Variants in TBCD observed in about 807,000 individuals in gnomAD.
TBCD encodes tubulin folding cofactor D.
A neutral mutation model predicts 169.3 loss-of-function variants in TBCD; 105 were observed. That is an observed-to-expected ratio of 0.62 (90% CI 0.53 to 0.73). TBCD has a LOEUF of 0.73. TBCD is among the 30% of genes least tolerant of loss of function. The probability of loss-of-function intolerance (pLI) is 0.00; values close to 1 mark genes in which losing one functional copy is unlikely to be tolerated. For missense variants in TBCD, 1,444 were observed against 1,600.1 expected (o/e 0.90, Z 1.66); for synonymous variants, 700 against 643.9 (o/e 1.09, Z -1.32).
chr17:82,790,741 C>G (rs1311422905), intron 7 of TBCD, among the ~76,000 whole-genome samples: 1 of 152,054 alleles, frequency 6.6e-6, no homozygotes, highest in Non-Finnish European at 1.5e-5. Flanking sequence ...CTCTATGTGT[C>G]TGCTTTTTTC....
chr17:82,763,044 T>C (rs530037063), intron 2 of TBCD, among the ~76,000 whole-genome samples: 1 of 152,194 alleles, frequency 6.6e-6, no homozygotes, highest in Non-Finnish European at 1.5e-5. Context: ...TGTTGTTGGG[T>C]AGATTGTTCT....
intron 7 of TBCD, 144 bp from the exon 8 acceptor site, chr17:82,797,613 A>G: frequency 1.5e-6 from 1 of 653,774 alleles, no homozygotes; most frequent in Non-Finnish European, 2.6e-6. Flanking sequence ...TATCATGTAC[A>G]GAAACTGTTT....
intron 13 of TBCD, among the ~76,000 whole-genome samples, chr17:82,836,440 C>T (rs1381032494): frequency 6.6e-6 from 1 of 152,242 alleles, no homozygotes; most frequent in Non-Finnish European, 1.5e-5. Flanking sequence ...GTGAGAGCTG[C>T]GTCCTCGCGA....
At position 82,937,899 on chromosome 17, in the gene TBCD, A is replaced by G. The variant is rs935480129; in HGVS notation, c.3282-150A>G. Reference sequence around the variant, plus strand: ...GTAGGCACAGTGCAGATGTACGCACACACACACCTCCGGCTTGGGGCCCCA... The same window carrying G: ...GTAGGCACAGTGCAGATGTACGCACGCACACACCTCCGGCTTGGGGCCCCA... On this transcript the variant is annotated intron_variant, in intron 35 of 38. Transcript: ENST00000355528. 18 of 1,530,066 alleles carry G rather than the reference A, an allele frequency of 1.2e-5. No homozygotes were observed. In the African/African-American group the frequency reaches 1.5e-4, roughly 13 times the overall value. The allele number at this position is 1,530,066 out of a possible 1,614,324, so 94.8% of individuals were successfully genotyped here.
intron 13 of TBCD, among the ~76,000 whole-genome samples, chr17:82,867,531 C>T (rs916685100): frequency 2.6e-5 from 4 of 152,236 alleles, no homozygotes; most frequent in Admixed American, 6.5e-5. Flanking sequence ...TGGCCACGAA[C>T]AGGCTGCCCT....
At chr17:82,875,551 G>A (rs1375060322) in intron 14 of TBCD, among the ~76,000 whole-genome samples, 1 of 152,212 alleles carries the variant, frequency 6.6e-6, no homozygotes, top group African/African-American at 2.4e-5. Flanking sequence ...CCCTGCCAGG[G>A]GGCAGCCTCT....
In TBCD at chr17:82,864,835, GCGGGGGCC is replaced by G. The variant is rs2057041567; in HGVS notation, c.1319-5388_1319-5381del. Among the ~76,000 whole-genome samples, 1 of 114,522 alleles carries G rather than the reference GCGGGGGCC, an allele frequency of 8.7e-6. No homozygotes were observed. Among genetic ancestry groups the G allele is most frequent in the Admixed American group, 9.2e-5 (1 of 10,868 alleles). 75.1% of individuals were successfully genotyped at this position (114,522 alleles called of 152,430 possible). On this transcript the variant is annotated intron_variant, in intron 13 of 38. Coordinates refer to ENST00000355528, the MANE Select transcript of TBCD (RefSeq NM_005993.5). This position sits in a 1 kb window ranked among gnomAD's most constrained non-coding sequence, Gnocchi z 6.3. ...CACTCCCCGGGGCACCGTGGGGACA[GCGGGGGCC>G]TGCTCACTCCCCGGGGCACCGTGGG...
rs576361114 is a variant in TBCD at position 82,890,837 on chromosome 17, C to T, written c.1563+1140C>T. ...GCCTGGGTGTGCAGACAGCAAGAGCCGCCCAGGCCAAGGAGAATGTGAACG... is the reference window on the plus strand; with the variant it reads ...GCCTGGGTGTGCAGACAGCAAGAGCTGCCCAGGCCAAGGAGAATGTGAACG... On this transcript the variant is annotated intron_variant, in intron 16 of 38. Coordinates refer to ENST00000355528, the MANE Select transcript of TBCD (RefSeq NM_005993.5). The surrounding 1 kb of genome is among the most constrained non-coding windows in gnomAD (Gnocchi z 5.3). Among the ~76,000 whole-genome samples, 10 of 152,286 alleles carry T rather than the reference C, an allele frequency of 6.6e-5. No individual in the cohort carries two copies. In the East Asian group the frequency reaches 9.7e-4, roughly 15 times the overall value.
Position 82,838,800 on chromosome 17 carries a change from G to C in TBCD, c.1318+23866G>C, listed in dbSNP as rs541224103. 1.3e-5 allele frequency: 13 copies of C among 985,388 alleles called. No homozygotes were observed. In the East Asian group the frequency reaches 1.5e-3, roughly 112 times the overall value. 61.0% of individuals were successfully genotyped at this position (985,388 alleles called of 1,614,324 possible). On this transcript the variant is annotated intron_variant, in intron 13 of 38. Coordinates refer to ENST00000355528, the MANE Select transcript of TBCD (RefSeq NM_005993.5). The stretch of plus-strand genomic sequence containing the variant: ...AAACAACCAGGGGCTCTTAACTCTA[G>C]TTTCGGCAGGAGATCCCGAGTTACA...
chr17:82,870,940 T>C (rs1204391957), intron 14 of TBCD, among the ~76,000 whole-genome samples: 1 of 152,264 alleles, frequency 6.6e-6, no homozygotes, highest in East Asian at 1.9e-4. Flanking sequence ...CTTGAGAGAA[T>C]GTTCAGTAGC....
chr17:82,862,176 C>T (rs2056827655), intron 13 of TBCD, among the ~76,000 whole-genome samples: 1 of 152,212 alleles, frequency 6.6e-6, no homozygotes, highest in Admixed American at 6.5e-5. Flanking sequence ...CCCGCCTCAG[C>T]CTCCCAAAGT....
At chr17:82,814,804 C>T (rs202134685) in intron 12 of TBCD, 36 bp from the exon 13 acceptor site, 248 of 1,606,714 alleles carry the variant, frequency 1.5e-4, no homozygotes, top group Middle Eastern at 1.7e-4. Flanking sequence ...AAAGCTGACA[C>T]GTGGGCTGTG....
rs115408449 is a variant in TBCD at position 82,859,492 on chromosome 17, C to G, written c.1319-10732C>G. 2,259 of 954,114 alleles carry G rather than the reference C, an allele frequency of 2.4e-3. 47 individuals are homozygous for G. The African/African-American group carries it at 0.036, about 15-fold the overall frequency. 59.1% of individuals were successfully genotyped at this position (954,114 alleles called of 1,614,324 possible). Reference sequence around the variant, plus strand: ...TCTGTGTCCTCCCTACACTCACACACTGGCTTTCAGGGAGATTGGGCCTTG... The same window carrying G: ...TCTGTGTCCTCCCTACACTCACACAGTGGCTTTCAGGGAGATTGGGCCTTG... On this transcript the variant is annotated intron_variant, in intron 13 of 38. Transcript: ENST00000355528.
chr17:82,756,940 G>T (rs1163960393), intron 2 of TBCD, among the ~76,000 whole-genome samples: 1 of 152,244 alleles, frequency 6.6e-6, no homozygotes, highest in African/African-American at 2.4e-5. Flanking sequence ...CCAGTTTACA[G>T]ATGGGGACAC....
chr17:82,855,235 C>CTT (rs58346723), intron 13 of TBCD, among the ~76,000 whole-genome samples: 14 of 54,028 alleles, frequency 2.6e-4, no homozygotes, highest in Non-Finnish European at 4.1e-4. Context: ...AAGGTGTTTG[C>CTT]TTTTTTTTTT....
chr17:82,831,965 G>C lies in TBCD; in HGVS notation c.1318+17031G>C. On this transcript the variant is annotated intron_variant, in intron 13 of 38. Transcript: ENST00000355528. The surrounding 1 kb of genome is among the most constrained non-coding windows in gnomAD (Gnocchi z 4.6). ...CCCTTGAGTCTGTGCTCGCCGACTGGAACAAATGCAGAAGGCCGAGCTGCG... is the reference window on the plus strand; with the variant it reads ...CCCTTGAGTCTGTGCTCGCCGACTGCAACAAATGCAGAAGGCCGAGCTGCG... 6.8e-6 allele frequency: 11 copies of C among 1,613,838 alleles called. No homozygotes were observed. The highest frequency in any genetic ancestry group is 9.3e-6 in the Non-Finnish European group (11 of 1,179,770).
At chr17:82,804,434 G>C (rs996872766) in intron 9 of TBCD, among the ~76,000 whole-genome samples, 3 of 152,022 alleles carry the variant, frequency 2.0e-5, no homozygotes, top group African/African-American at 7.3e-5. Flanking sequence ...CACAGTTTTG[G>C]TGGGTCTGGA....
intron 25 of TBCD, 60 bp downstream of exon 25, chr17:82,921,637 G>T (rs1199547994): frequency 6.5e-7 from 1 of 1,526,950 alleles, no homozygotes; most frequent in African/African-American, 1.4e-5. Flanking sequence ...GTTAGTCACG[G>T]ATGGTGTTTG....
At chr17:82,912,624 G>A (rs975376938) in intron 23 of TBCD, among the ~76,000 whole-genome samples, 10 of 152,094 alleles carry the variant, frequency 6.6e-5, no homozygotes, top group African/African-American at 2.2e-4. Flanking sequence ...GAAAAATCGC[G>A]GTTGTGTGCA....
Sources: allele counts gnomAD v4.1 joint callset (sites outside exome capture counted in the v4.1 genomes callset), GRCh38; gene constraint gnomAD v4.1.1; non-coding constraint Gnocchi (gnomAD v3.1); transcripts MANE v1.5; gene names NCBI Gene and HGNC (gene_info 2026-07-23, HGNC 2026-07-21).